Variants in SLC4A4 observed in about 807,000 individuals in gnomAD.
SLC4A4 encodes electrogenic sodium bicarbonate cotransporter 1.
In SLC4A4, 27 loss-of-function variants were observed where a neutral mutation model predicts 111.5. The observed-to-expected ratio is 0.24, with a 90% CI of 0.18 to 0.33. The LOEUF (loss-of-function observed/expected upper bound fraction) is 0.33. Ranked by LOEUF, SLC4A4 falls within the 10% of genes least tolerant of loss-of-function variation. The pLI, the probability that SLC4A4 is intolerant of heterozygous loss-of-function variation, is 1.00. For synonymous variants in SLC4A4, 443 were observed against 463.4 expected, an observed-to-expected ratio of 0.96 and a Z score of 0.57; for missense variants, 909 against 1,315.5, an observed-to-expected ratio of 0.69 and a Z score of 4.78.
chr4:71,357,184 A>G lies in SLC4A4; in HGVS notation c.727A>G (p.Asn243Asp), dbSNP rs775473449. The G allele has an allele frequency of 6.2e-7, 1 of 1,613,994 alleles. No homozygotes were observed. The change falls in exon 6 of 26, where the codon AAT becomes GAT. Residue 243 changes from asparagine (N) to aspartate (D), a missense_variant. Transcript: ENST00000264485. ...AAGTAGGATGTTTACCAACCCTGAT[A>G]ATGGTAATGCAGAGGCCAGCTGGCT... ...SASRMFTNPDNGSPAMTHRNL... is the reference protein window; with the variant it reads ...SASRMFTNPDDGSPAMTHRNL...
rs375680237 is a variant in SLC4A4 at position 71,563,860 on chromosome 4, C to T, written c.3167C>T (p.Pro1056Leu). 6.3e-5 allele frequency: 101 copies of T among 1,610,800 alleles called. No individual in the cohort carries two copies. The highest frequency in any genetic ancestry group is 8.1e-5 in the Non-Finnish European group (95 of 1,177,808). ...CCAATGGACATCATGGAACAGCAAC[C>T]TTTCCTAAGCGATAGCAAACCTTCT... ...KIPMDIMEQQ[P>L]FLSDSKPSDR... is the part of the protein sequence containing the mutation. Residue 1056 changes from proline to leucine, a missense_variant, in exon 24 of 26, where the codon CCT becomes CTT. Around this residue, in one of 7 missense-constraint regions of SLC4A4, gnomAD observed 85 missense variants for 79.8 expected, o/e 1.07. Coordinates refer to ENST00000264485, the MANE Select transcript of SLC4A4 (RefSeq NM_001098484.3).
chr4:71,510,380 G>A (rs959224486), intron 16 of SLC4A4, among the ~76,000 whole-genome samples: 10 of 152,018 alleles, frequency 6.6e-5, no homozygotes, highest in Admixed American at 2.0e-4. Context: ...TGCTATTTTG[G>A]TCCCTTTTTG....
intron 1 of SLC4A4, among the ~76,000 whole-genome samples, chr4:71,208,183 C>T (rs972169267): frequency 3.3e-5 from 5 of 152,204 alleles, no homozygotes; most frequent in East Asian, 3.9e-4. Context: ...ATAATCCCAG[C>T]ACTTTGGGAG....
intron 7 of SLC4A4, among the ~76,000 whole-genome samples, chr4:71,426,156 T>A (rs1260526758): frequency 6.6e-6 from 1 of 152,020 alleles, no homozygotes; most frequent in Non-Finnish European, 1.5e-5. Context: ...CTACAAAAAG[T>A]CTTAAAATCT....
chr4:71,410,474 T>C (rs935510540), intron 7 of SLC4A4, among the ~76,000 whole-genome samples: 4 of 152,160 alleles, frequency 2.6e-5, no homozygotes, highest in Non-Finnish European at 5.9e-5. Flanking sequence ...TGTAACCCCT[T>C]TGTTTTGGCC....
chr4:71,461,675 A>G (rs976605021), intron 12 of SLC4A4, among the ~76,000 whole-genome samples: 2 of 152,016 alleles, frequency 1.3e-5, no homozygotes, highest in Non-Finnish European at 2.9e-5. Context: ...TCTTGCTCCT[A>G]TGGTCTGATT....
intron 6 of SLC4A4, among the ~76,000 whole-genome samples, chr4:71,361,573 G>A (rs947090690): frequency 2.6e-5 from 4 of 152,172 alleles, no homozygotes; most frequent in Non-Finnish European, 5.9e-5. Flanking sequence ...AGAAATTAAT[G>A]AGGTTTTAGG....
At chr4:71,193,040 A>G (rs149077010) in intron 1 of SLC4A4, among the ~76,000 whole-genome samples, 65 of 152,356 alleles carry the variant, frequency 4.3e-4, no homozygotes, top group Non-Finnish European at 8.1e-4. Flanking sequence ...TCATTGCTAC[A>G]TAGTGTTCCA....
chr4:71,391,783 C>G (rs1719300535), intron 6 of SLC4A4, among the ~76,000 whole-genome samples: 1 of 151,822 alleles, frequency 6.6e-6, no homozygotes, highest in African/African-American at 2.4e-5. Context: ...CAAGAACAAG[C>G]ATAAGACATT....
At chr4:71,436,262 C>A (rs1309545900) in intron 7 of SLC4A4, among the ~76,000 whole-genome samples, 2 of 152,088 alleles carry the variant, frequency 1.3e-5, no homozygotes, top group African/African-American at 4.8e-5. Context: ...TTTGTAGGGA[C>A]ATGGATGAAG....
At chr4:71,119,619 A>T (rs554909934) in intron 2 of SLC4A4, among the ~76,000 whole-genome samples, 31 of 152,126 alleles carry the variant, frequency 2.0e-4, no homozygotes, top group Middle Eastern at 3.4e-3. Flanking sequence ...TATCATCATG[A>T]TGTGTATCAG....
In SLC4A4 at chr4:71,451,536, T is replaced by C. The variant is rs147097090; in HGVS notation, c.1322+235T>C. On this transcript the variant is annotated intron_variant, in intron 11 of 25. Coordinates refer to ENST00000264485, the MANE Select transcript of SLC4A4 (RefSeq NM_001098484.3). ...TAAACAGTAAGTGAATAAGTAAATG[T>C]GGTGATGGTTTTATGGGGAAAATTA... Among the ~76,000 whole-genome samples, 35 of 152,246 alleles carry C rather than the reference T, an allele frequency of 2.3e-4. No homozygotes were observed. The East Asian group carries it at 6.8e-3, about 29-fold the overall frequency.
intron 2 of SLC4A4, among the ~76,000 whole-genome samples, chr4:71,143,017 A>G (rs1462871522): frequency 1.7e-4 from 26 of 151,976 alleles, no homozygotes; most frequent in Admixed American, 1.7e-3. Context: ...TTACATATGT[A>G]TACATGTGCC....
At chr4:71,101,366 T>C (rs937053493) in intron 2 of SLC4A4, among the ~76,000 whole-genome samples, 1 of 152,216 alleles carries the variant, frequency 6.6e-6, no homozygotes, top group Non-Finnish European at 1.5e-5. Context: ...GCTGTACCTA[T>C]CAAACTACAT....
At chr4:71,477,765 C>G (rs557027878) in intron 14 of SLC4A4, among the ~76,000 whole-genome samples, 1 of 151,896 alleles carries the variant, frequency 6.6e-6, no homozygotes, top group African/African-American at 2.4e-5. Flanking sequence ...TCTCTTCTGT[C>G]CTCTGTCCTT....
intron 2 of SLC4A4, among the ~76,000 whole-genome samples, chr4:71,114,128 T>A (rs1047858384): frequency 1.3e-5 from 2 of 152,062 alleles, no homozygotes; most frequent in African/African-American, 4.8e-5. Context: ...GCGCCTGTAG[T>A]CCCAGCTACT....
intron 2 of SLC4A4, among the ~76,000 whole-genome samples, chr4:71,170,674 A>T (rs1384380708): frequency 6.6e-6 from 1 of 152,232 alleles, no homozygotes; most frequent in African/African-American, 2.4e-5. Context: ...AATGCATAAG[A>T]CACATTTCCT....
At chr4:71,430,823 C>T (rs1473429093) in intron 7 of SLC4A4, among the ~76,000 whole-genome samples, 1 of 152,162 alleles carries the variant, frequency 6.6e-6, no homozygotes, top group African/African-American at 2.4e-5. Context: ...ATGTTGATTT[C>T]TACACTTCTA....
chr4:71,434,248 A>T (rs1021129672), intron 7 of SLC4A4, among the ~76,000 whole-genome samples: 6 of 152,104 alleles, frequency 3.9e-5, no homozygotes, highest in Non-Finnish European at 7.4e-5. Context: ...GTTGATACAC[A>T]GGAATTTGTT....
Sources: allele counts gnomAD v4.1 joint callset (sites outside exome capture counted in the v4.1 genomes callset), GRCh38; gene constraint gnomAD v4.1.1; regional missense constraint gnomAD v4.1.1; transcripts MANE v1.5; gene names NCBI Gene and HGNC (gene_info 2026-07-23, HGNC 2026-07-21).